ST3GAL1: variants seen among roughly 807,000 people sequenced by gnomAD.
ST3GAL1 encodes the protein CMP-N-acetylneuraminate-beta-galactosamide-alpha-2,3-sialyltransferase 1.
Under a neutral mutation model 34.1 loss-of-function variants are expected in ST3GAL1, and 16 were observed. That is an observed-to-expected ratio of 0.47 (90% CI 0.32 to 0.71). The LOEUF is 0.71. ST3GAL1 is among the 30% of genes least tolerant of loss of function. The pLI, the probability that ST3GAL1 is intolerant of heterozygous loss-of-function variation, is 0.04. For synonymous variants in ST3GAL1, 191 were observed against 184.7 expected (o/e 1.03, Z -0.28); for missense variants, 353 against 447.4 (o/e 0.79, Z 1.90).
At chr8:133,474,153 CCT>C (rs1435486285) in intron 5 of ST3GAL1, among the ~76,000 whole-genome samples, 2 of 152,204 alleles carry the variant, frequency 1.3e-5, no homozygotes, top group Non-Finnish European at 2.9e-5. Flanking sequence ...ACCTGGATAA[CCT>C]CTCTGAATCC....
chr8:133,554,274 G>A (rs1243112010), intron 1 of ST3GAL1, among the ~76,000 whole-genome samples: 4 of 152,190 alleles, frequency 2.6e-5, no homozygotes, highest in African/African-American at 9.7e-5. Context: ...ACACCTGAAT[G>A]CACATGACCA....
chr8:133,492,823 C>T (rs535022269), intron 3 of ST3GAL1, among the ~76,000 whole-genome samples: 3 of 152,322 alleles, frequency 2.0e-5, no homozygotes, highest in African/African-American at 4.8e-5. Flanking sequence ...CTCTGGATGG[C>T]GCCCATACCC....
intron 1 of ST3GAL1, among the ~76,000 whole-genome samples, chr8:133,548,543 C>A (rs1314227844): frequency 6.6e-6 from 1 of 152,220 alleles, no homozygotes; most frequent in Non-Finnish European, 1.5e-5. Context: ...CACCACTTGG[C>A]ATGTGGGAGA....
chr8:133,493,474 A>C (rs1816844317), intron 3 of ST3GAL1, among the ~76,000 whole-genome samples: 1 of 152,120 alleles, frequency 6.6e-6, no homozygotes, highest in Non-Finnish European at 1.5e-5. Context: ...ATGAGTTTGC[A>C]TGTGGGGGAT....
Position 133,553,791 on chromosome 8 carries a change from T to C in ST3GAL1, c.-581-7865A>G, listed in dbSNP as rs112670084. On this transcript the variant is annotated intron_variant, in intron 1 of 9. Coordinates refer to ENST00000522652, the MANE Select transcript of ST3GAL1 (RefSeq NM_173344.3). ...GGTCCACAGGCAACCTGTGCCACCTTTGGGAATCTATCTTAGGACTAAATT... is the reference window on the plus strand; with the variant it reads ...GGTCCACAGGCAACCTGTGCCACCTCTGGGAATCTATCTTAGGACTAAATT... Among the ~76,000 whole-genome samples, 691 of 152,232 alleles carry C rather than the reference T, an allele frequency of 4.5e-3. 5 individuals are homozygous for C. The highest frequency in any genetic ancestry group is 0.016 in the African/African-American group (664 of 41,530).
chr8:133,561,007 G>A (rs575384479), intron 1 of ST3GAL1, among the ~76,000 whole-genome samples: 1 of 152,056 alleles, frequency 6.6e-6, no homozygotes, highest in Non-Finnish European at 1.5e-5. Flanking sequence ...CAGACAGCCT[G>A]TCACGTAGAG....
At chr8:133,511,205 T>G (rs139733947) in intron 2 of ST3GAL1, among the ~76,000 whole-genome samples, 171 of 152,324 alleles carry the variant, frequency 1.1e-3, no homozygotes, top group African/African-American at 4.0e-3. Flanking sequence ...CAGCCAGAGC[T>G]TGCTAAGGAC....
At chr8:133,555,648 A>AT (rs1047160717) in intron 1 of ST3GAL1, among the ~76,000 whole-genome samples, 1 of 152,206 alleles carries the variant, frequency 6.6e-6, no homozygotes, top group African/African-American at 2.4e-5. Flanking sequence ...GGATCAAGCC[A>AT]TTTAGGACCC....
intron 2 of ST3GAL1, among the ~76,000 whole-genome samples, chr8:133,544,640 C>A (rs1232276638): frequency 6.6e-6 from 1 of 152,112 alleles, no homozygotes; most frequent in African/African-American, 2.4e-5. Flanking sequence ...CTCACACGGC[C>A]CCTGACCTAC....
chr8:133,478,410 A>G (rs936377539), intron 3 of ST3GAL1, among the ~76,000 whole-genome samples: 1 of 152,184 alleles, frequency 6.6e-6, no homozygotes, highest in Non-Finnish European at 1.5e-5. Context: ...CTATTTTGCT[A>G]GCGTGTGTAG....
chr8:133,562,643 C>T (rs1415644020), intron 1 of ST3GAL1, among the ~76,000 whole-genome samples: 2 of 152,160 alleles, frequency 1.3e-5, no homozygotes, highest in African/African-American at 2.4e-5. Flanking sequence ...CTCTTGACCA[C>T]TGGCAGTTCT....
intron 2 of ST3GAL1, among the ~76,000 whole-genome samples, chr8:133,525,596 G>A (rs1817946306): frequency 2.0e-5 from 3 of 152,112 alleles, no homozygotes. Flanking sequence ...GGCATCCACA[G>A]CACCCAGGCT....
At chr8:133,507,706 G>A (rs887194734) in intron 2 of ST3GAL1, among the ~76,000 whole-genome samples, 3 of 152,226 alleles carry the variant, frequency 2.0e-5, no homozygotes, top group African/African-American at 7.2e-5. Context: ...GAGGGCAGGG[G>A]ATGGTAATCA....
At chr8:133,512,593 C>A (rs192690743) in intron 2 of ST3GAL1, among the ~76,000 whole-genome samples, 125 of 152,204 alleles carry the variant, frequency 8.2e-4, no homozygotes, top group African/African-American at 2.2e-3. Flanking sequence ...TCTCGGAGGC[C>A]ATTGAAAGGT....
Position 133,556,161 on chromosome 8 carries a change from G to A in ST3GAL1, c.-581-10235C>T, listed in dbSNP as rs1455156685. 6.6e-6 allele frequency among the ~76,000 whole-genome samples: 1 copy of A among 152,138 alleles called. No homozygotes were observed. Among genetic ancestry groups the A allele is most frequent in the Non-Finnish European group, 1.5e-5 (1 of 68,022 alleles). Reference sequence around the variant, plus strand: ...TCCACCCATCTCGGCCTCCCAAAGTGCTAGGATTGCAGGCATGAGCCACCA... The same window carrying A: ...TCCACCCATCTCGGCCTCCCAAAGTACTAGGATTGCAGGCATGAGCCACCA... On this transcript the variant is annotated intron_variant, in intron 1 of 9. Transcript: ENST00000522652. This position sits in a 1 kb window ranked among gnomAD's most constrained non-coding sequence, Gnocchi z 8.9.
chr8:133,502,797 G>C (rs1288333245), intron 2 of ST3GAL1, among the ~76,000 whole-genome samples: 1 of 152,210 alleles, frequency 6.6e-6, no homozygotes, highest in African/African-American at 2.4e-5. Flanking sequence ...GCATCTGTCT[G>C]CAGAGCCCAG....
intron 2 of ST3GAL1, among the ~76,000 whole-genome samples, chr8:133,541,116 T>TAGAGAGAGAG (rs1287760256): frequency 0.027 from 1,324 of 48,392 alleles, 144 homozygotes; most frequent in Middle Eastern, 0.058. Context: ...TATATATATA[T>TAGAGAGAGAG]ATATAGAGAG....
intron 2 of ST3GAL1, among the ~76,000 whole-genome samples, chr8:133,528,782 G>C (rs1818051221): frequency 1.3e-5 from 2 of 152,218 alleles, no homozygotes; most frequent in South Asian, 4.1e-4. Context: ...CCTGGAGCTA[G>C]GGTATTAGGG....
At chr8:133,565,200 C>T (rs933710661) in intron 1 of ST3GAL1, among the ~76,000 whole-genome samples, 9 of 113,584 alleles carry the variant, frequency 7.9e-5, no homozygotes, top group African/African-American at 3.3e-4. Context: ...TGTGTCTCCT[C>T]CAGGCCTGCT....
Sources: allele counts gnomAD v4.1 joint callset (sites outside exome capture counted in the v4.1 genomes callset), GRCh38; gene constraint gnomAD v4.1.1; non-coding constraint Gnocchi (gnomAD v3.1); transcripts MANE v1.5; gene names NCBI Gene and HGNC (gene_info 2026-07-23, HGNC 2026-07-21).